Variants in SLC12A7 observed in about 807,000 individuals in gnomAD.
SLC12A7 encodes solute carrier family 12 member 7.
SLC12A7 carries 100 observed loss-of-function variants against 120.6 expected under a neutral mutation model. The observed-to-expected ratio is 0.83, with a 90% confidence interval of 0.71 to 0.98. The LOEUF (loss-of-function observed/expected upper bound fraction) is 0.98. Among genes scored for constraint, SLC12A7 ranks in the 50% least tolerant of loss-of-function variants. SLC12A7 has a pLI of 0.00. For missense variants in SLC12A7, 1,373 were observed against 1,548.1 expected, an observed-to-expected ratio of 0.89 and a Z score of 1.90; for synonymous variants, 760 against 678.0, an observed-to-expected ratio of 1.12 and a Z score of -1.88.
chr5:1,132,772 G>A, the SLC12A7 span, among the ~76,000 whole-genome samples: 1 of 152,182 alleles, frequency 6.6e-6, no homozygotes, highest in African/African-American at 2.4e-5. Context: ...GGCCAGCACC[G>A]CCTCCCAAGA....
At chr5:1,133,579 A>G in the SLC12A7 span, among the ~76,000 whole-genome samples, 2 of 152,104 alleles carry the variant, frequency 1.3e-5, no homozygotes, top group African/African-American at 4.8e-5. Flanking sequence ...AACAATCCCA[A>G]ATACTGGTAG....
At chr5:1,145,225 G>C in the SLC12A7 span, among the ~76,000 whole-genome samples, 8 of 152,406 alleles carry the variant, frequency 5.2e-5, no homozygotes, top group East Asian at 1.5e-3. This position sits in a 1 kb window ranked among gnomAD's most constrained non-coding sequence, Gnocchi z 4.4. Context: ...GGCCAGGCAG[G>C]GGCCGCTGCC....
At chr5:1,127,823 G>A in the SLC12A7 span, among the ~76,000 whole-genome samples, 1 of 152,202 alleles carries the variant, frequency 6.6e-6, no homozygotes, top group South Asian at 2.1e-4. Flanking sequence ...AATAATACCA[G>A]TTACATTGAA....
intron 3 of SLC12A7, among the ~76,000 whole-genome samples, chr5:1,092,819 G>A (rs1002389121): frequency 2.0e-5 from 3 of 152,098 alleles, no homozygotes; most frequent in African/African-American, 4.8e-5. Context: ...AAGAAACTGA[G>A]CCACCCGCCG....
rs1244106608 is a variant in SLC12A7 at position 1,074,676 on chromosome 5, G to A, written c.1968-5C>T. ...TCGCCCCACTCCTTCTCGGCCCTGT[G>A]GGAAAGGAAGTCGGGGTTTGTCCAG... On this transcript the variant is annotated splice_polypyrimidine_tract_variant and splice_region_variant and intron_variant, in intron 15 of 23. Coordinates refer to ENST00000264930, the MANE Select transcript of SLC12A7 (RefSeq NM_006598.3). 1.2e-6 allele frequency: 2 copies of A among 1,612,200 alleles called. No individual in the cohort carries two copies. Among genetic ancestry groups the A allele is most frequent in the Non-Finnish European group, 1.7e-6 (2 of 1,179,736 alleles).
Position 1,093,606 on chromosome 5 carries a change from G to A in SLC12A7, c.269C>T (p.Ala90Val), listed in dbSNP as rs1281618136. Reference sequence around the variant, plus strand: ...GCCCTGGCTCAGGTTGGTGTAGTTGGCCAGCTTGTTGAGCAGCGAGGACAC... The same window carrying A: ...GCCCTGGCTCAGGTTGGTGTAGTTGACCAGCTTGTTGAGCAGCGAGGACAC... The part of the protein sequence containing the change: ...PMVSSLLNKL[A>V]NYTNLSQGVV... Residue 90 changes from alanine to valine, a missense_variant, in exon 3 of 24, where the codon GCC (alanine) becomes GTC (valine). Coordinates refer to ENST00000264930, the MANE Select transcript of SLC12A7 (RefSeq NM_006598.3). 6.2e-7 allele frequency: 1 copy of A among 1,613,040 alleles called. No homozygotes were observed. The highest frequency in any genetic ancestry group is 1.1e-5 in the South Asian group (1 of 91,038).
chr5:1,129,050 C>CA, the SLC12A7 span, among the ~76,000 whole-genome samples: 348 of 152,274 alleles, frequency 2.3e-3, no homozygotes, highest in Non-Finnish European at 4.3e-3. Flanking sequence ...GGATCCCCTG[C>CA]AAGGCTTGGG....
At chr5:1,073,450 G>T (rs973376856) in intron 17 of SLC12A7, among the ~76,000 whole-genome samples, 183 bp downstream of exon 17, 1 of 152,254 alleles carries the variant, frequency 6.6e-6, no homozygotes, top group South Asian at 2.1e-4. Flanking sequence ...GCTTCCCGGG[G>T]TGCGGCTGGT....
rs1308278665 is a variant in SLC12A7, at chr5:1,096,675, A to AG, written c.125-2428dup. Among the ~76,000 whole-genome samples the AG allele has an allele frequency of 2.3e-3, 263 of 113,776 alleles. 4 individuals are homozygous for AG. Among genetic ancestry groups the AG allele is most frequent in the African/African-American group, 9.1e-3 (251 of 27,580 alleles). 74.6% of individuals were successfully genotyped at this position (113,776 alleles called of 152,430 possible). A position where few individuals can be genotyped will look rare whatever the true frequency, so the allele number is the denominator to read the frequency against. On this transcript the variant is annotated intron_variant, in intron 1 of 23. Coordinates refer to ENST00000264930, the MANE Select transcript of SLC12A7 (RefSeq NM_006598.3). ...ATTCTTAGAGGGAGGGAGGGAAGGAAGAAAGGAGGGAGGGGGGAAGGGAGG... is the reference window on the plus strand; with the variant it reads ...ATTCTTAGAGGGAGGGAGGGAAGGAAGGAAAGGAGGGAGGGGGGAAGGGAGG...
Position 1,074,581 on chromosome 5 carries a change from G to GT in SLC12A7, c.2057dup (p.His686GlnfsTer230). On this transcript the variant is annotated frameshift_variant, in exon 16 of 24. Transcript: ENST00000264930. LOFTEE classifies it high-confidence loss of function. ...GCGGTGCTCACCTCCAGTTCTTGGTGTGGGGGGGACCGTGCTCCACGCGCA... is the reference window on the plus strand; with the variant it reads ...GCGGTGCTCACCTCCAGTTCTTGGTGTTGGGGGGGACCGTGCTCCACGCGCA... The GT allele has an allele frequency of 1.9e-6, 3 of 1,612,378 alleles. No individual in the cohort carries two copies. The highest frequency in any genetic ancestry group is 2.5e-6 in the Non-Finnish European group (3 of 1,179,602).
chr5:1,109,080 C>T (rs947814123), intron 1 of SLC12A7, among the ~76,000 whole-genome samples: 1 of 152,198 alleles, frequency 6.6e-6, no homozygotes, highest in African/African-American at 2.4e-5. Flanking sequence ...CACCCTCTCC[C>T]AGCCCAGGGA....
upstream of SLC12A7, among the ~76,000 whole-genome samples, chr5:1,113,857 C>T (rs557009038): frequency 3.3e-5 from 5 of 152,342 alleles, no homozygotes; most frequent in South Asian, 1.0e-3. Flanking sequence ...TCTGTACATT[C>T]AACCCTGGTT....
At chr5:1,061,128 G>A (rs1251289567) in intron 20 of SLC12A7, among the ~76,000 whole-genome samples, 2 of 34,312 alleles carry the variant, frequency 5.8e-5, no homozygotes, top group African/African-American at 1.0e-4. Context: ...CCCGCCGTGC[G>A]GGACCCCTGC....
intron 22 of SLC12A7, among the ~76,000 whole-genome samples, chr5:1,054,517 G>A (rs1441680728): frequency 1.3e-5 from 2 of 152,186 alleles, no homozygotes; most frequent in African/African-American, 4.8e-5. Context: ...CTGGGCGGAG[G>A]GGAGCACTTG....
intron 18 of SLC12A7, among the ~76,000 whole-genome samples, chr5:1,064,538 T>C (rs1423103086): frequency 1.3e-5 from 2 of 152,184 alleles, no homozygotes; most frequent in Non-Finnish European, 2.9e-5. Context: ...GCCAGGGCCT[T>C]CGACAGCCTC....
At position 1,052,064 on chromosome 5, in the gene SLC12A7, C is replaced by T. The variant is rs112060190; in HGVS notation, c.*296G>A. 0.013 allele frequency: 5,765 copies of T among 443,828 alleles called. 71 individuals carry two copies. The highest frequency in any genetic ancestry group is 0.045 in the East Asian group (1,143 of 25,518). The allele number at this position is 443,828 out of a possible 1,614,324, so 27.5% of individuals were successfully genotyped here. ...AGAAACCAAGGCAAGGGCTCACTGG[C>T]TTCTTGTGACCTGCGAGAAGATCTG... is the stretch of plus-strand genomic sequence containing the variant. On this transcript the variant is annotated 3_prime_UTR_variant, in exon 24 of 24. Coordinates refer to ENST00000264930, the MANE Select transcript of SLC12A7 (RefSeq NM_006598.3).
the SLC12A7 span, among the ~76,000 whole-genome samples, chr5:1,141,002 G>A: frequency 2.6e-5 from 4 of 152,204 alleles, no homozygotes; most frequent in Non-Finnish European, 5.9e-5. Flanking sequence ...GACACGGGAC[G>A]TTTATACCAA....
Position 1,050,714 on chromosome 5 carries a change from T to A in SLC12A7, c.*1646A>T, listed in dbSNP as rs1410370225. 2 of 396,154 alleles carry A rather than the reference T, an allele frequency of 5.0e-6. No individual in the cohort carries two copies. Among genetic ancestry groups the A allele is most frequent in the African/African-American group, 2.1e-5 (1 of 48,616 alleles). 24.5% of individuals were successfully genotyped at this position (396,154 alleles called of 1,614,324 possible). On this transcript the variant is annotated 3_prime_UTR_variant, in exon 24 of 24. Coordinates refer to ENST00000264930, the MANE Select transcript of SLC12A7 (RefSeq NM_006598.3). ...GGGGACACAGGACCTGCCGGCCCCA[T>A]CCAGACATGGAGGAGCGTTTTGCTG...
intron 1 of SLC12A7, among the ~76,000 whole-genome samples, chr5:1,097,164 C>T (rs1318316902): frequency 6.6e-6 from 1 of 152,194 alleles, no homozygotes; most frequent in East Asian, 1.9e-4. Flanking sequence ...GAGGTCTTAG[C>T]ATGTAACTAT....
Sources: gnomAD v4.1 joint callset for allele counts (sites outside exome capture counted in the v4.1 genomes callset) on GRCh38, gnomAD v4.1.1 for gene constraint, Gnocchi (gnomAD v3.1) non-coding constraint, MANE v1.5 for transcripts, NCBI Gene and HGNC (gene_info 2026-07-23, HGNC 2026-07-21) for gene names.